Variants in TTC13 observed in about 807,000 individuals in gnomAD.
The protein encoded by TTC13 is tetratricopeptide repeat protein 13.
A neutral mutation model predicts 120.0 loss-of-function variants in TTC13; 62 were observed. The observed-to-expected ratio is 0.52, with a 90% CI of 0.42 to 0.64. The LOEUF (loss-of-function observed/expected upper bound fraction) is 0.64, where lower values mean the gene tolerates loss of function less well. Ranked by LOEUF, TTC13 falls within the 30% of genes least tolerant of loss-of-function variation. TTC13 has a pLI of 0.00. For missense variants in TTC13, 824 were observed against 1,050.2 expected (o/e 0.78, Z 2.98); for synonymous variants, 384 against 393.5 (o/e 0.98, Z 0.28).
rs1673542001 is a variant in TTC13, at chr1:230,931,363, A to G, written c.1235T>C (p.Met412Thr). The part of the protein sequence containing the change: ...YEGIKAQTKV[M>T]LNDPLPGQKA... Reference sequence around the variant, plus strand: ...CTGGCCTGGGAGAGGATCATTCAGCATAACTTTTGTTTGTGCTTTTATCCC... The same window carrying G: ...CTGGCCTGGGAGAGGATCATTCAGCGTAACTTTTGTTTGTGCTTTTATCCC... The change falls in exon 11 of 23, where the codon ATG becomes ACG. Residue 412 changes from methionine to threonine, a missense_variant. Coordinates refer to ENST00000366661, the MANE Select transcript of TTC13 (RefSeq NM_024525.5). 1.2e-6 allele frequency: 2 copies of G among 1,614,106 alleles called. No individual in the cohort carries two copies. The highest frequency in any genetic ancestry group is 1.3e-5 in the African/African-American group (1 of 74,940).
intron 11 of TTC13, among the ~76,000 whole-genome samples, chr1:230,930,496 G>A (rs1473131001): frequency 1.3e-5 from 2 of 152,122 alleles, no homozygotes; most frequent in Non-Finnish European, 2.9e-5. Flanking sequence ...GAGATAAAAG[G>A]TGAGTAAAAC....
intron 15 of TTC13, among the ~76,000 whole-genome samples, 172 bp from the exon 16 acceptor site, chr1:230,921,676 G>A (rs532556441): frequency 3.3e-5 from 5 of 152,170 alleles, no homozygotes; most frequent in South Asian, 4.1e-4. Flanking sequence ...GCAAAGCACC[G>A]TCTTAGCAAG....
intron 22 of TTC13, among the ~76,000 whole-genome samples, chr1:230,907,523 T>G (rs1423022684): frequency 6.6e-6 from 1 of 152,248 alleles, no homozygotes; most frequent in Non-Finnish European, 1.5e-5. Context: ...TGTCAAAAGA[T>G]TCACACTGTA....
intron 1 of TTC13, among the ~76,000 whole-genome samples, chr1:230,968,343 C>G (rs960990494): frequency 6.6e-6 from 1 of 151,322 alleles, no homozygotes; most frequent in Non-Finnish European, 1.5e-5. Context: ...AAAAAAACAA[C>G]CCGGGTCTAT....
chr1:230,916,361 G>T, intron 17 of TTC13, 59 bp from the exon 18 acceptor site: 1 of 1,235,304 alleles, frequency 8.1e-7, no homozygotes, highest in African/African-American at 1.5e-5. Context: ...AACCCCAACT[G>T]CAACTCTGTA....
At chr1:230,929,185 G>A (rs1558183371) in intron 11 of TTC13, 92 bp from the exon 12 acceptor site, 2 of 1,301,422 alleles carry the variant, frequency 1.5e-6, no homozygotes, top group Non-Finnish European at 2.1e-6. Flanking sequence ...GTAACAAGCT[G>A]TTCTTCAATT....
At chr1:230,923,354 T>A (rs1672763844) in intron 15 of TTC13, among the ~76,000 whole-genome samples, 1 of 152,068 alleles carries the variant, frequency 6.6e-6, no homozygotes, top group South Asian at 2.1e-4. Flanking sequence ...TGACTTGCCC[T>A]CCCCAGATGG....
chr1:230,908,996 C>T lies in TTC13; in HGVS notation c.2334G>A (p.Val778=). The change falls in exon 21 of 23, where the codon GTG becomes GTA. Residue 778 remains valine (V), a synonymous_variant. Coordinates refer to ENST00000366661, the MANE Select transcript of TTC13 (RefSeq NM_024525.5). ...GSSVIAYSVI[V]GALMASGKEV... ...CTTTTCCACTTGCCATCAGTGCTCC[C>T]ACGATGACCGAGTAAGCAATTACAC... 3 of 1,614,152 alleles carry T rather than the reference C, an allele frequency of 1.9e-6. No homozygotes were observed. The highest frequency in any genetic ancestry group is 1.7e-5 in the Admixed American group (1 of 60,024).
chr1:230,946,963 G>T (rs1336409837), intron 4 of TTC13, among the ~76,000 whole-genome samples: 2 of 152,086 alleles, frequency 1.3e-5, no homozygotes, highest in Non-Finnish European at 1.5e-5. Context: ...GCCATTAGGT[G>T]CACAGAAATA....
intron 4 of TTC13, among the ~76,000 whole-genome samples, chr1:230,948,459 C>T (rs974948000): frequency 3.4e-5 from 5 of 146,594 alleles, no homozygotes; most frequent in African/African-American, 1.2e-4. Flanking sequence ...AATCATTTTC[C>T]TGCTTACTGT....
rs1303322802 is a variant in TTC13, at chr1:230,945,000, TATAAC to T, written c.579+384_579+388del. On this transcript the variant is annotated intron_variant, in intron 5 of 22. Transcript: ENST00000366661. The surrounding 1 kb of genome is among the most constrained non-coding windows in gnomAD (Gnocchi z 4.0). ...TACGCCATATGCAAAAAGTATAAAA[TATAAC>T]AAATAAAGATAAATTTTACATGCCT... Among the ~76,000 whole-genome samples, 1 of 152,326 alleles carries T rather than the reference TATAAC, an allele frequency of 6.6e-6. No individual in the cohort carries two copies. The highest frequency in any genetic ancestry group is 1.9e-4 in the East Asian group (1 of 5,190).
intron 1 of TTC13, among the ~76,000 whole-genome samples, chr1:230,965,044 A>G (rs756694956): frequency 2.6e-5 from 4 of 152,212 alleles, no homozygotes; most frequent in Non-Finnish European, 4.4e-5. Context: ...ACGTTGGGGA[A>G]GCTCTCCATG....
At chr1:230,953,171 C>T (rs962437020) in intron 4 of TTC13, among the ~76,000 whole-genome samples, 2 of 152,172 alleles carry the variant, frequency 1.3e-5, no homozygotes, top group Non-Finnish European at 1.5e-5. Context: ...ACCCTTTGTA[C>T]TTTAAATTCT....
chr1:230,928,186 T>C (rs776481111), intron 12 of TTC13, among the ~76,000 whole-genome samples: 2 of 152,204 alleles, frequency 1.3e-5, no homozygotes, highest in Non-Finnish European at 2.9e-5. Flanking sequence ...GGATTTTGAA[T>C]GGCATTTTAT....
rs1337123179 is a variant in TTC13, at chr1:230,924,945, C to G, written c.1617G>C (p.Met539Ile). 6.2e-7 allele frequency: 1 copy of G among 1,614,210 alleles called. No homozygotes were observed. Among genetic ancestry groups the G allele is most frequent in the Non-Finnish European group, 8.5e-7 (1 of 1,180,042 alleles). The change falls in exon 14 of 23, where the codon ATG (methionine) becomes ATC (isoleucine). Residue 539 changes from methionine to isoleucine, a missense_variant. By Grantham distance (10) the Met-to-Ile change is conservative. Transcript: ENST00000366661. The stretch of plus-strand genomic sequence containing the variant: ...TGGTCCATGTACGCTGCACGGCTTG[C>G]ATGACCTCCAATGCGGCCAAACCCA... ...RAMGLAALEVMQAVQRTWTNS... is the reference protein window; with the variant it reads ...RAMGLAALEVIQAVQRTWTNS...
chr1:230,950,303 A>G (rs1675447973), intron 4 of TTC13, among the ~76,000 whole-genome samples: 1 of 152,204 alleles, frequency 6.6e-6, no homozygotes, highest in East Asian at 1.9e-4. Flanking sequence ...AAAAGTTTCT[A>G]TACTCTTAAA....
intron 1 of TTC13, among the ~76,000 whole-genome samples, chr1:230,971,751 G>A (rs907392435): frequency 6.6e-6 from 1 of 152,162 alleles, no homozygotes; most frequent in Admixed American, 6.5e-5. Context: ...TCACTGCACG[G>A]GATGGAAAAA....
At chr1:230,953,885 C>CAT (rs1290879130) in intron 4 of TTC13, among the ~76,000 whole-genome samples, 2 of 152,120 alleles carry the variant, frequency 1.3e-5, no homozygotes, top group African/African-American at 2.4e-5. Context: ...AGGTGAGAAA[C>CAT]ATACCTATGA....
In TTC13 at chr1:230,908,786, G is replaced by A. The variant is rs530165383; in HGVS notation, c.2394C>T (p.Val798=). The A allele has an allele frequency of 3.7e-5, 59 of 1,612,630 alleles. No homozygotes were observed. Among genetic ancestry groups the A allele is most frequent in the South Asian group, 3.6e-4 (33 of 91,026 alleles). ...VAGKIPKGKL[V]DFEAMTAPGS... ...CAGGGGCTGTCATAGCTTCAAAGTC[G>A]ACTAACTGAAAAAGAAAGACATTTA... is the stretch of plus-strand genomic sequence containing the variant. Residue 798 remains valine, a synonymous_variant, in exon 22 of 23, where the codon GTC becomes GTT. Coordinates refer to ENST00000366661, the MANE Select transcript of TTC13 (RefSeq NM_024525.5).
Sources: gnomAD v4.1 joint callset for allele counts (sites outside exome capture counted in the v4.1 genomes callset) on GRCh38, gnomAD v4.1.1 for gene constraint, Gnocchi (gnomAD v3.1) non-coding constraint, MANE v1.5 for transcripts, NCBI Gene and HGNC (gene_info 2026-07-23, HGNC 2026-07-21) for gene names.